The following SNX29 variants were observed in gnomAD, a reference collection of about 807,000 sequenced individuals.
SNX29 encodes sorting nexin-29.
Under a neutral mutation model 102.1 loss-of-function variants are expected in SNX29, and 78 were observed. The observed-to-expected ratio is 0.76, with a 90% confidence interval of 0.64 to 0.92. The LOEUF (loss-of-function observed/expected upper bound fraction) is 0.92. SNX29 is among the 40% of genes least tolerant of loss of function. The pLI is 0.00. For synonymous variants in SNX29, 580 were observed against 414.5 expected (o/e 1.40, Z -4.85); for missense variants, 1,280 against 1,061.7 (o/e 1.21, Z -2.86).
chr16:12,225,562 A>C (rs1057156708), intron 14 of SNX29, among the ~76,000 whole-genome samples: 2 of 152,156 alleles, frequency 1.3e-5, no homozygotes, highest in African/African-American at 4.8e-5. Context: ...AGCCATGTGG[A>C]ACTATAAGTC....
chr16:12,023,341 A>G (rs2057084725), intron 3 of SNX29, among the ~76,000 whole-genome samples: 1 of 150,902 alleles, frequency 6.6e-6, no homozygotes, highest in Non-Finnish European at 1.5e-5. Context: ...CAGTGAAGCC[A>G]GAGTGTCTGC....
chr16:12,411,681 C>T (rs1429575843), intron 18 of SNX29, among the ~76,000 whole-genome samples: 1 of 152,156 alleles, frequency 6.6e-6, no homozygotes, highest in East Asian at 1.9e-4. Flanking sequence ...TTGAGCTGAC[C>T]GTCACCAGTC....
chr16:12,403,400 G>GT, intron 17 of SNX29, 48 bp from the exon 18 acceptor site: 1 of 1,507,190 alleles, frequency 6.6e-7, no homozygotes, highest in Non-Finnish European at 9.0e-7. Context: ...TTATTTTTTT[G>GT]TAAGTTAAAA....
intron 18 of SNX29, among the ~76,000 whole-genome samples, chr16:12,447,101 A>C: frequency 8.3e-6 from 1 of 120,148 alleles, no homozygotes; most frequent in Non-Finnish European, 1.6e-5. Context: ...TGGGAGGTGG[A>C]GGTTGCAGTG....
intron 13 of SNX29, among the ~76,000 whole-genome samples, chr16:12,136,335 G>A (rs569841172): frequency 2.0e-5 from 3 of 152,350 alleles, no homozygotes; most frequent in Admixed American, 1.3e-4. Context: ...GGCCGTGTCC[G>A]ACCCTTACCT....
intron 14 of SNX29, among the ~76,000 whole-genome samples, chr16:12,213,868 G>T (rs58986242): frequency 4.1e-4 from 62 of 152,354 alleles, no homozygotes; most frequent in African/African-American, 1.5e-3. Flanking sequence ...GGCAGATAAG[G>T]AAGGAGCGAT....
chr16:12,544,235 G>C (rs1284874141), intron 20 of SNX29, among the ~76,000 whole-genome samples: 4 of 151,124 alleles, frequency 2.6e-5, no homozygotes, highest in South Asian at 4.2e-4. Flanking sequence ...ACCACACCAA[G>C]ATTGAAACTA....
intron 20 of SNX29, among the ~76,000 whole-genome samples, chr16:12,541,536 G>A (rs568487701): frequency 6.6e-6 from 1 of 152,020 alleles, no homozygotes; most frequent in South Asian, 2.1e-4. Context: ...GCATGTAGTT[G>A]TTCATCAGCC....
intron 1 of SNX29, chr16:11,983,728 A>C (rs1425961040): frequency 3.0e-6 from 3 of 984,502 alleles, no homozygotes; most frequent in Non-Finnish European, 3.6e-6. Context: ...ATAGGAACTC[A>C]AATGCTTAGA....
intron 15 of SNX29, among the ~76,000 whole-genome samples, chr16:12,334,064 A>G (rs908697686): frequency 4.6e-5 from 7 of 152,144 alleles, no homozygotes; most frequent in South Asian, 2.1e-4. Flanking sequence ...AAGCGAAAAC[A>G]TGGCTCATCC....
chr16:12,423,992 A>G (rs1567548643), intron 18 of SNX29, among the ~76,000 whole-genome samples: 4 of 152,208 alleles, frequency 2.6e-5, no homozygotes, highest in Non-Finnish European at 5.9e-5. Context: ...TGTGAGGTCC[A>G]TGAAGTGAAG....
chr16:12,505,040 C>T (rs1025674688), intron 19 of SNX29, among the ~76,000 whole-genome samples: 3 of 152,088 alleles, frequency 2.0e-5, no homozygotes, highest in Admixed American at 1.3e-4. Context: ...GAGGCCAAGA[C>T]GGGACGATCA....
intron 14 of SNX29, among the ~76,000 whole-genome samples, chr16:12,259,895 G>A (rs1447085538): frequency 2.0e-5 from 3 of 146,424 alleles, no homozygotes; most frequent in South Asian, 2.4e-4. Context: ...TCAGATCACC[G>A]CCACATCCAA....
chr16:12,146,164 AG>A (rs2055057848), intron 13 of SNX29, among the ~76,000 whole-genome samples: 1 of 152,210 alleles, frequency 6.6e-6, no homozygotes. Flanking sequence ...TTATAGATAA[AG>A]GCTGCAGTGA....
At chr16:12,295,456 G>C (rs1223688320) in intron 15 of SNX29, among the ~76,000 whole-genome samples, 2 of 152,176 alleles carry the variant, frequency 1.3e-5, no homozygotes, top group Admixed American at 6.5e-5. Flanking sequence ...AACTTCCTTT[G>C]TGGCTAATTT....
At chr16:12,562,083 A>G (rs1018001572) in intron 20 of SNX29, among the ~76,000 whole-genome samples, 1 of 152,124 alleles carries the variant, frequency 6.6e-6, no homozygotes, top group African/African-American at 2.4e-5. Context: ...TCTGCCCAGT[A>G]GTTTGAACCG....
intron 9 of SNX29, among the ~76,000 whole-genome samples, chr16:12,065,103 T>C (rs927890919): frequency 4.6e-5 from 7 of 152,222 alleles, no homozygotes; most frequent in African/African-American, 1.7e-4. Flanking sequence ...AAAGGAGTTC[T>C]CTTGAATCTT....
At chr16:12,376,858 C>T (rs1023063801) in intron 16 of SNX29, among the ~76,000 whole-genome samples, 2 of 152,050 alleles carry the variant, frequency 1.3e-5, no homozygotes, top group Non-Finnish European at 2.9e-5. Flanking sequence ...CTCTTTGCCC[C>T]GTTCTATCCT....
Position 12,572,854 on chromosome 16 carries a change from G to C in SNX29, c.*4225G>C. The C allele has an allele frequency of 9.4e-7, 1 of 1,063,744 alleles. No homozygotes were observed. The highest frequency in any genetic ancestry group is 1.1e-6 in the Non-Finnish European group (1 of 878,170). The allele number at this position is 1,063,744 out of a possible 1,614,324, so 65.9% of individuals were successfully genotyped here. A position where few individuals can be genotyped will look rare whatever the true frequency, so the allele number is the denominator to read the frequency against. The stretch of plus-strand genomic sequence containing the variant: ...GGGGCAGCCTCATGCCCAGGTTTCA[G>C]CCCTAAAGGTAATGATTGTCTTGAC... On this transcript the variant is annotated 3_prime_UTR_variant, in exon 21 of 21. Transcript: ENST00000566228.
Sources: allele counts gnomAD v4.1 joint callset (sites outside exome capture counted in the v4.1 genomes callset), GRCh38; gene constraint gnomAD v4.1.1; transcripts MANE v1.5; gene names NCBI Gene and HGNC (gene_info 2026-07-23, HGNC 2026-07-21).